ANKAR: variants seen among roughly 807,000 people sequenced by gnomAD.
ANKAR encodes the protein ankyrin and armadillo repeat-containing protein.
Under a neutral mutation model 146.2 loss-of-function variants are expected in ANKAR, and 136 were observed. That is an observed-to-expected ratio of 0.93 (90% CI 0.81 to 1.07). The LOEUF is 1.07. Ranked by LOEUF, ANKAR falls within the 50% of genes least tolerant of loss-of-function variation. ANKAR has a pLI of 0.00. For synonymous variants in ANKAR, 500 were observed against 575.8 expected (o/e 0.87, Z 1.88); for missense variants, 1,567 against 1,679.9 (o/e 0.93, Z 1.18).
At chr2:189,752,848 C>A in intron 18 of ANKAR, 2 of 1,613,516 alleles carry the variant, frequency 1.2e-6, no homozygotes, top group Non-Finnish European at 1.7e-6. Flanking sequence ...CTGTGGCTTA[C>A]CATGCAATCA....
chr2:189,758,157 T>C lies in ANKAR; in HGVS notation c.*585-2941T>C, dbSNP rs201545287. 2.3e-4 allele frequency among the ~76,000 whole-genome samples: 35 copies of C among 152,100 alleles called. No homozygotes were observed. The East Asian group carries it at 5.8e-3, about 25-fold the overall frequency. On this transcript the variant is annotated intron_variant and NMD_transcript_variant, in intron 18 of 18. Coordinates refer to the ANKAR transcript ENST00000441800. ...CATCACTTTGGGAGGCCGAGGTGGG[T>C]GGATCACTTGAGGTCGGGAGTTCGA...
Position 189,758,544 on chromosome 2 carries a change from C to T in ANKAR, c.*585-2554C>T, listed in dbSNP as rs142765124. Among the ~76,000 whole-genome samples, 401 of 152,318 alleles carry T rather than the reference C, an allele frequency of 2.6e-3. 4 individuals carry two copies. Among genetic ancestry groups the T allele is most frequent in the African/African-American group, 9.2e-3 (381 of 41,566 alleles). ...GCTTCCTACACAGCCTGTGGAAACA[C>T]GAACCAATTAAACCTCTTTTCTTTA... On this transcript the variant is annotated intron_variant and NMD_transcript_variant, in intron 18 of 18. Coordinates refer to the ANKAR transcript ENST00000441800.
chr2:189,753,956 C>T, intron 18 of ANKAR: 1 of 1,613,736 alleles, frequency 6.2e-7, no homozygotes. Context: ...TCTCTGCTTA[C>T]AAAACAGAAT....
intron 21 of ANKAR, among the ~76,000 whole-genome samples, chr2:189,744,211 CAGAGA>C (rs2043742131): frequency 6.6e-6 from 1 of 152,084 alleles, no homozygotes; most frequent in Non-Finnish European, 1.5e-5. Context: ...ATTTTAAGTA[CAGAGA>C]ATGATGAGTA....
rs2039996907 is a variant in ANKAR, at chr2:189,713,530, G to A, written c.2224+2377G>A. On this transcript the variant is annotated intron_variant, in intron 10 of 22. Coordinates refer to ENST00000684021, the MANE Select transcript of ANKAR (RefSeq NM_001378068.1). The stretch of plus-strand genomic sequence containing the variant: ...GCCAAACTAAGCTTCATAAGTGAAG[G>A]AGAAATAAAATCCTTTACAGACAAG... 2.0e-5 allele frequency among the ~76,000 whole-genome samples: 3 copies of A among 152,250 alleles called. No homozygotes were observed. In the South Asian group the frequency reaches 6.2e-4, roughly 32 times the overall value.
intron 19 of ANKAR, among the ~76,000 whole-genome samples, chr2:189,740,552 C>T (rs548829945): frequency 1.3e-5 from 2 of 152,198 alleles, no homozygotes; most frequent in African/African-American, 4.8e-5. Context: ...ATTATTGGGA[C>T]ACTTTATTAT....
chr2:189,753,006 A>G, intron 18 of ANKAR: 1 of 1,583,616 alleles, frequency 6.3e-7, no homozygotes, highest in Non-Finnish European at 8.6e-7. Flanking sequence ...AACCAAAATA[A>G]CTATCATATA....
At chr2:189,730,050 G>C (rs144587358) in intron 15 of ANKAR, among the ~76,000 whole-genome samples, 37 of 151,760 alleles carry the variant, frequency 2.4e-4, no homozygotes, top group African/African-American at 8.5e-4. Context: ...ATGTTATAAA[G>C]AGACATAGTA....
intron 12 of ANKAR, among the ~76,000 whole-genome samples, chr2:189,722,268 G>A (rs2041348891): frequency 6.7e-6 from 1 of 149,450 alleles, no homozygotes; most frequent in Admixed American, 6.7e-5. Flanking sequence ...GAACCCGAGA[G>A]GCGGAGGTTG....
At chr2:189,751,443 T>TG (rs1367594022), downstream of ANKAR, among the ~76,000 whole-genome samples, 5 of 134,634 alleles carry the variant, frequency 3.7e-5, no homozygotes, top group South Asian at 2.3e-4. Flanking sequence ...TGACAAGTTG[T>TG]GTTTTTTTTT....
At chr2:189,718,019 T>C (rs1301961645) in intron 10 of ANKAR, among the ~76,000 whole-genome samples, 1 of 152,088 alleles carries the variant, frequency 6.6e-6, no homozygotes, top group Non-Finnish European at 1.5e-5. Flanking sequence ...CAAACCAACA[T>C]AGCACATGTA....
chr2:189,712,650 C>A (rs2039870278), intron 10 of ANKAR, among the ~76,000 whole-genome samples: 1 of 152,306 alleles, frequency 6.6e-6, no homozygotes, highest in East Asian at 1.9e-4. Flanking sequence ...GTAGATAAAA[C>A]CACAAAGATG....
At chr2:189,746,674 T>C (rs771654513), downstream of ANKAR, 18 of 1,519,884 alleles carry the variant, frequency 1.2e-5, no homozygotes, top group Non-Finnish European at 1.5e-5. Context: ...TTTTAAAAAT[T>C]TTTTTATTTT....
At chr2:189,746,708 C>G, downstream of ANKAR, 1 of 1,350,344 alleles carries the variant, frequency 7.4e-7, no homozygotes, top group African/African-American at 1.5e-5. Flanking sequence ...ATGCAAATAA[C>G]ATAACTGAAT....
intron 2 of ANKAR, among the ~76,000 whole-genome samples, chr2:189,684,379 T>C (rs922963678): frequency 3.3e-5 from 5 of 152,166 alleles, no homozygotes; most frequent in African/African-American, 1.2e-4. Flanking sequence ...AAAAATACTT[T>C]GTATTTTGAA....
At chr2:189,706,092 C>A (rs1228411827) in intron 8 of ANKAR, among the ~76,000 whole-genome samples, 2 of 151,710 alleles carry the variant, frequency 1.3e-5, no homozygotes, top group African/African-American at 4.8e-5. Flanking sequence ...ACCATCATGT[C>A]TAGCCATGAG....
intron 12 of ANKAR, among the ~76,000 whole-genome samples, chr2:189,725,843 G>C (rs955240630): frequency 2.6e-5 from 4 of 152,296 alleles, no homozygotes; most frequent in Admixed American, 2.6e-4. Flanking sequence ...GGGAGGCAGA[G>C]GTTGCAGTGA....
intron 18 of ANKAR, chr2:189,752,899 C>T: frequency 1.2e-6 from 2 of 1,613,888 alleles, no homozygotes; most frequent in Non-Finnish European, 1.7e-6. Context: ...GAGGACACAA[C>T]AAAGTGCACT....
At chr2:189,725,899 C>G (rs1377624110) in intron 12 of ANKAR, among the ~76,000 whole-genome samples, 1 of 151,850 alleles carries the variant, frequency 6.6e-6, no homozygotes, top group Non-Finnish European at 1.5e-5. Context: ...CAGAGCGAGA[C>G]CTTGTCTCAA....
Sources: allele counts gnomAD v4.1 joint callset (sites outside exome capture counted in the v4.1 genomes callset), GRCh38; gene constraint gnomAD v4.1.1; transcripts MANE v1.5; gene names NCBI Gene and HGNC (gene_info 2026-07-23, HGNC 2026-07-21).